Variants in SLCO1B3 observed in about 807,000 individuals in gnomAD.
SLCO1B3 encodes the protein solute carrier organic anion transporter family member 1B3.
In SLCO1B3, 72 loss-of-function variants were observed where a neutral mutation model predicts 71.8. The observed-to-expected ratio is 1.00, with a 90% CI of 0.83 to 1.22. SLCO1B3 has a LOEUF of 1.22. Among genes scored for constraint, SLCO1B3 ranks in the 50% most tolerant of loss-of-function variants. SLCO1B3 has a pLI of 0.00. For missense variants in SLCO1B3, 911 were observed against 819.7 expected, an observed-to-expected ratio of 1.11 and a Z score of -1.36; for synonymous variants, 298 against 278.4, an observed-to-expected ratio of 1.07 and a Z score of -0.70.
intron 3 of SLCO1B3, among the ~76,000 whole-genome samples, chr12:20,833,932 A>C (rs10841663): frequency 1.4e-5 from 2 of 146,368 alleles, no homozygotes; most frequent in Admixed American, 6.9e-5. Context: ...GTACACATAC[A>C]TATGTACACA....
intron 6 of SLCO1B3, 127 bp downstream of exon 6, chr12:20,861,265 A>T: frequency 1.2e-6 from 1 of 820,672 alleles, no homozygotes; most frequent in South Asian, 2.0e-5. Flanking sequence ...TCCCTTACAT[A>T]CAGACAAAAT....
rs140594692 is a variant in SLCO1B3 at position 20,823,165 on chromosome 12, C to T, written c.84+7343C>T. Among the ~76,000 whole-genome samples, 315 of 152,216 alleles carry T rather than the reference C, an allele frequency of 2.1e-3. 2 individuals are homozygous for T. The highest frequency in any genetic ancestry group is 7.4e-3 in the African/African-American group (308 of 41,540). On this transcript the variant is annotated intron_variant, in intron 3 of 15. Coordinates refer to ENST00000381545, the MANE Select transcript of SLCO1B3 (RefSeq NM_019844.4). ...GCCATATCACTCTGAAGTGTGTTGT[C>T]AGTAGGCACATATGAAAATGTTTCG...
At chr12:20,864,391 T>A (rs1005699866) in intron 8 of SLCO1B3, among the ~76,000 whole-genome samples, 1 of 152,178 alleles carries the variant, frequency 6.6e-6, no homozygotes, top group Non-Finnish European at 1.5e-5. Flanking sequence ...CAAATATGAT[T>A]TTCTATCTCT....
chr12:20,853,552 A>G (rs901386815), intron 3 of SLCO1B3, among the ~76,000 whole-genome samples: 4 of 151,866 alleles, frequency 2.6e-5, no homozygotes, highest in Non-Finnish European at 5.9e-5. Context: ...AATTCTTTTT[A>G]ATTTCTGAGA....
intron 6 of SLCO1B3, among the ~76,000 whole-genome samples, chr12:20,861,482 C>A (rs562946963): frequency 1.3e-5 from 2 of 152,042 alleles, no homozygotes; most frequent in South Asian, 4.1e-4. Flanking sequence ...CTAGAACAAA[C>A]CTCCTAGTGT....
At chr12:20,874,130 G>C (rs1241899958) in intron 8 of SLCO1B3, among the ~76,000 whole-genome samples, 6 of 152,122 alleles carry the variant, frequency 3.9e-5, no homozygotes, top group Non-Finnish European at 8.8e-5. Flanking sequence ...CCAGTAAAGG[G>C]ATTGCTGGAT....
At chr12:20,871,000 A>T (rs571471587) in intron 8 of SLCO1B3, among the ~76,000 whole-genome samples, 3 of 152,266 alleles carry the variant, frequency 2.0e-5, no homozygotes, top group South Asian at 4.1e-4. Flanking sequence ...ATTGATTTGC[A>T]TATGTTGAAC....
chr12:20,887,915 A>G (rs1865824171), intron 13 of SLCO1B3, among the ~76,000 whole-genome samples: 1 of 151,760 alleles, frequency 6.6e-6, no homozygotes, highest in Admixed American at 6.6e-5. Flanking sequence ...GGTGAGAGAT[A>G]CGGGTTCAAT....
chr12:20,879,295 G>A (rs1237970373), intron 10 of SLCO1B3, 141 bp from the exon 11 acceptor site: 33 of 376,252 alleles, frequency 8.8e-5, no homozygotes, highest in Non-Finnish European at 1.0e-4. Context: ...TGCAAGCTCC[G>A]CCTCCCAGGT....
In SLCO1B3 at chr12:20,916,549, C is replaced by G. The variant is rs1306263652; in HGVS notation, c.*302C>G. The G allele has an allele frequency of 5.2e-6, 1 of 193,606 alleles. No homozygotes were observed. The highest frequency in any genetic ancestry group is 2.3e-5 in the African/African-American group (1 of 42,718). The allele number at this position is 193,606 out of a possible 1,614,324, so 12.0% of individuals were successfully genotyped here. ...TAGAATATAAGGGAGGTAAAAAGGA[C>G]AAGATAGATTAATAGCCTAAATAAA... On this transcript the variant is annotated 3_prime_UTR_variant, in exon 16 of 16. Coordinates refer to ENST00000381545, the MANE Select transcript of SLCO1B3 (RefSeq NM_019844.4).
intron 3 of SLCO1B3, chr12:20,845,133 A>G: frequency 2.2e-6 from 1 of 451,892 alleles, no homozygotes; most frequent in Non-Finnish European, 4.4e-6. Flanking sequence ...AGCAAGACTT[A>G]GACTATGTCA....
At chr12:20,898,219 A>G (rs1446083574) in intron 13 of SLCO1B3, among the ~76,000 whole-genome samples, 1 of 152,202 alleles carries the variant, frequency 6.6e-6, no homozygotes, top group African/African-American at 2.4e-5. Flanking sequence ...CTGCCTTGAA[A>G]TCATAAAGCA....
At chr12:20,902,488 T>C (rs1276587304) in intron 15 of SLCO1B3, among the ~76,000 whole-genome samples, 1 of 152,078 alleles carries the variant, frequency 6.6e-6, no homozygotes, top group Non-Finnish European at 1.5e-5. Flanking sequence ...CCCTTGTAAG[T>C]GGGAGCTAAA....
At chr12:20,853,193 T>C (rs1206905947) in intron 3 of SLCO1B3, among the ~76,000 whole-genome samples, 1 of 152,152 alleles carries the variant, frequency 6.6e-6, no homozygotes, top group Non-Finnish European at 1.5e-5. Context: ...TTTGTATCAA[T>C]ATTCACCAGG....
At chr12:20,827,452 G>A (rs1180341090) in intron 3 of SLCO1B3, among the ~76,000 whole-genome samples, 1 of 152,084 alleles carries the variant, frequency 6.6e-6, no homozygotes, top group Non-Finnish European at 1.5e-5. Flanking sequence ...ATTTTTAGTA[G>A]TGAAACGTAC....
chr12:20,879,210 T>TTC (rs901479866), intron 10 of SLCO1B3, among the ~76,000 whole-genome samples: 13 of 141,992 alleles, frequency 9.2e-5, no homozygotes, highest in Non-Finnish European at 3.1e-5. Context: ...TCTCTCTTTT[T>TTC]TTTTTTTTTT....
intron 15 of SLCO1B3, among the ~76,000 whole-genome samples, chr12:20,912,008 A>G (rs935338796): frequency 1.3e-5 from 2 of 152,160 alleles, no homozygotes; most frequent in African/African-American, 4.8e-5. Context: ...CTAAGGTAAA[A>G]GATTAAATGA....
intron 2 of SLCO1B3, among the ~76,000 whole-genome samples, chr12:20,815,422 ATTTAC>A (rs1202106675): frequency 2.0e-5 from 3 of 152,068 alleles, no homozygotes; most frequent in Non-Finnish European, 4.4e-5. Context: ...GTTTTATATT[ATTTAC>A]TTGTTTCAAA....
intron 3 of SLCO1B3, among the ~76,000 whole-genome samples, chr12:20,839,033 T>G (rs1191092453): frequency 6.6e-6 from 1 of 152,040 alleles, no homozygotes; most frequent in East Asian, 1.9e-4. Flanking sequence ...AAGTTTACTT[T>G]CAAATTACAC....
Sources: allele counts gnomAD v4.1 joint callset (sites outside exome capture counted in the v4.1 genomes callset), GRCh38; gene constraint gnomAD v4.1.1; transcripts MANE v1.5; gene names NCBI Gene and HGNC (gene_info 2026-07-23, HGNC 2026-07-21).